MCC: variants seen among roughly 807,000 people sequenced by gnomAD.
MCC encodes colorectal mutant cancer protein.
A neutral mutation model predicts 116.2 loss-of-function variants in MCC; 90 were observed. That is an observed-to-expected ratio of 0.77 (90% CI 0.65 to 0.92). MCC has a LOEUF of 0.92. Ranked by LOEUF, MCC falls within the 40% of genes least tolerant of loss-of-function variation. The pLI is 0.00. For synonymous variants in MCC, 578 were observed against 510.5 expected (o/e 1.13, Z -1.78); for missense variants, 1,516 against 1,312.2 (o/e 1.16, Z -2.40).
intron 2 of MCC, among the ~76,000 whole-genome samples, chr5:113,373,243 G>A (rs1373171858): frequency 6.6e-6 from 1 of 151,988 alleles, no homozygotes; most frequent in Non-Finnish European, 1.5e-5. Flanking sequence ...GTCTGATTGA[G>A]AAGAGAGTTG....
intron 3 of MCC, among the ~76,000 whole-genome samples, chr5:113,296,676 G>A (rs1766720803): frequency 6.6e-6 from 1 of 152,052 alleles, no homozygotes; most frequent in South Asian, 2.1e-4. Flanking sequence ...TAAGTGCCAT[G>A]TTAAAAAAAT....
At chr5:113,321,376 T>A (rs1269893923) in intron 3 of MCC, among the ~76,000 whole-genome samples, 2 of 152,194 alleles carry the variant, frequency 1.3e-5, no homozygotes, top group East Asian at 3.8e-4. Flanking sequence ...TTCTGGAACC[T>A]GAAGCAACTG....
At chr5:113,389,458 C>T (rs891095305) in intron 1 of MCC, among the ~76,000 whole-genome samples, 12 of 152,160 alleles carry the variant, frequency 7.9e-5, no homozygotes, top group Non-Finnish European at 1.2e-4. Context: ...CAACTCAATG[C>T]CTTCCACTTC....
At chr5:113,088,251 A>G (rs1415066179) in intron 8 of MCC, among the ~76,000 whole-genome samples, 1 of 152,016 alleles carries the variant, frequency 6.6e-6, no homozygotes, top group Non-Finnish European at 1.5e-5. Flanking sequence ...CCTTCTTTTG[A>G]TTTGAGAGTG....
At chr5:113,075,894 C>T (rs765059476) in intron 11 of MCC, among the ~76,000 whole-genome samples, 5 of 152,142 alleles carry the variant, frequency 3.3e-5, no homozygotes, top group South Asian at 2.1e-4. Flanking sequence ...AGTGAGTCCA[C>T]GATACCACCA....
chr5:113,402,798 T>C (rs1230534312), intron 1 of MCC, among the ~76,000 whole-genome samples: 1 of 152,106 alleles, frequency 6.6e-6, no homozygotes, highest in Non-Finnish European at 1.5e-5. Context: ...ATGTTGTCAT[T>C]GTGTCTCACA....
At chr5:113,406,757 C>G (rs1769845841) in intron 1 of MCC, among the ~76,000 whole-genome samples, 1 of 152,138 alleles carries the variant, frequency 6.6e-6, no homozygotes, top group Admixed American at 6.5e-5. Context: ...GTTACACGCA[C>G]CTTACAAAGA....
At position 113,340,485 on chromosome 5, in the gene MCC, G is replaced by A. The variant is rs762584093; in HGVS notation, c.627+34C>T. ...ATTTGTATTGGAATACAGACAGGCC[G>A]AAATATGTATTCCATGAACCAAAAA... is the stretch of plus-strand genomic sequence containing the variant. On this transcript the variant is annotated intron_variant, in intron 3 of 18. Transcript: ENST00000408903. 30 of 1,574,162 alleles carry A rather than the reference G, an allele frequency of 1.9e-5. No individual in the cohort carries two copies. In the South Asian group the frequency reaches 2.1e-4, roughly 11 times the overall value.
intron 3 of MCC, among the ~76,000 whole-genome samples, chr5:113,289,510 T>C (rs946753791): frequency 1.3e-5 from 2 of 152,086 alleles, no homozygotes; most frequent in African/African-American, 4.8e-5. Flanking sequence ...ACAGCTGTTT[T>C]GACCAACAGA....
intron 3 of MCC, among the ~76,000 whole-genome samples, chr5:113,235,784 G>T (rs796156510): frequency 2.0e-5 from 3 of 152,310 alleles, no homozygotes; most frequent in African/African-American, 7.2e-5. Context: ...ATTCCTCCAG[G>T]AAACAAATCA....
At chr5:113,332,165 G>T (rs948580798) in intron 3 of MCC, among the ~76,000 whole-genome samples, 4 of 151,386 alleles carry the variant, frequency 2.6e-5, no homozygotes, top group Non-Finnish European at 5.9e-5. Flanking sequence ...CCACTTGTAA[G>T]TAACTTTCTT....
intron 3 of MCC, among the ~76,000 whole-genome samples, chr5:113,172,497 C>A (rs1007992166): frequency 6.6e-6 from 1 of 151,820 alleles, no homozygotes; most frequent in African/African-American, 2.4e-5. Context: ...TTTTAAGTAA[C>A]CTCGTTTGAC....
At chr5:113,360,405 G>GT in intron 2 of MCC, among the ~76,000 whole-genome samples, 1 of 152,198 alleles carries the variant, frequency 6.6e-6, no homozygotes, top group Non-Finnish European at 1.5e-5. Flanking sequence ...CTAGTATTTT[G>GT]TTTAGGATTT....
chr5:113,078,729 T>C (rs1352592595), intron 11 of MCC, among the ~76,000 whole-genome samples: 2 of 152,190 alleles, frequency 1.3e-5, no homozygotes, highest in Non-Finnish European at 2.9e-5. Context: ...ACTGGAAGCA[T>C]TCCCTTTGAA....
intron 3 of MCC, among the ~76,000 whole-genome samples, chr5:113,334,078 C>T (rs1767812965): frequency 6.8e-6 from 1 of 146,506 alleles, no homozygotes; most frequent in East Asian, 2.0e-4. Flanking sequence ...CTTTAAAAAC[C>T]AAGTAGTATA....
chr5:113,151,102 G>A (rs539873788), intron 4 of MCC, among the ~76,000 whole-genome samples: 27 of 152,260 alleles, frequency 1.8e-4, no homozygotes, highest in Admixed American at 2.6e-4. Flanking sequence ...CTTGGACTTC[G>A]TAGCTTCTGG....
chr5:113,187,388 T>A (rs1200702197), intron 3 of MCC, among the ~76,000 whole-genome samples: 1 of 152,054 alleles, frequency 6.6e-6, no homozygotes, highest in Non-Finnish European at 1.5e-5. Flanking sequence ...GGATTACAAG[T>A]GTGAGCCACA....
chr5:113,130,374 T>C (rs1002232672), intron 5 of MCC, among the ~76,000 whole-genome samples: 1 of 151,938 alleles, frequency 6.6e-6, no homozygotes, highest in African/African-American at 2.4e-5. Flanking sequence ...TTAGGAGAAA[T>C]ACCTAATGTA....
At chr5:113,294,976 G>A (rs1766665814) in intron 3 of MCC, 1 of 985,478 alleles carries the variant, frequency 1.0e-6, no homozygotes, top group Non-Finnish European at 1.2e-6. Context: ...CTAGCTGCTG[G>A]CCACGGGGTG....
Sources: allele counts gnomAD v4.1 joint callset (sites outside exome capture counted in the v4.1 genomes callset), GRCh38; gene constraint gnomAD v4.1.1; transcripts MANE v1.5; gene names NCBI Gene and HGNC (gene_info 2026-07-23, HGNC 2026-07-21).